The following TGFBR3 variants were observed in gnomAD, a reference collection of about 807,000 sequenced individuals.
The protein encoded by TGFBR3 is transforming growth factor beta receptor 3.
In TGFBR3, 46 loss-of-function variants were observed where a neutral mutation model predicts 87.9. The ratio of observed to expected loss-of-function variants is 0.52; its 90% CI spans 0.41 to 0.67. The LOEUF (loss-of-function observed/expected upper bound fraction) is 0.67. Ranked by LOEUF, TGFBR3 falls within the 30% of genes least tolerant of loss-of-function variation. TGFBR3 has a pLI of 0.00. For missense variants in TGFBR3, 866 were observed against 1,041.9 expected (o/e 0.83, Z 2.32); for synonymous variants, 381 against 391.6 (o/e 0.97, Z 0.32).
At chr1:91,701,349 A>G (rs1557664496) in intron 14 of TGFBR3, among the ~76,000 whole-genome samples, 1 of 152,110 alleles carries the variant, frequency 6.6e-6, no homozygotes, top group African/African-American at 2.4e-5. Context: ...ACCCCTGAGT[A>G]TAACTAAAAT....
intron 2 of TGFBR3, chr1:91,830,084 A>G (rs975045865): frequency 4.6e-5 from 7 of 152,236 alleles, no homozygotes; most frequent in African/African-American, 1.7e-4. Context: ...CAGGGCCTGA[A>G]ATAAAATTTT....
At chr1:91,764,429 T>C (rs1674096263) in intron 3 of TGFBR3, among the ~76,000 whole-genome samples, 1 of 150,250 alleles carries the variant, frequency 6.7e-6, no homozygotes, top group Non-Finnish European at 1.5e-5. Flanking sequence ...TAAATTTGGG[T>C]TGGGGGTTGA....
At chr1:91,888,116 G>T (rs904303583), upstream of TGFBR3, among the ~76,000 whole-genome samples, 5 of 152,114 alleles carry the variant, frequency 3.3e-5, no homozygotes, top group Non-Finnish European at 7.3e-5. Context: ...TAAGTCTCAC[G>T]AGATCTGATG....
At chr1:91,714,809 G>A (rs1296339838) in intron 12 of TGFBR3, among the ~76,000 whole-genome samples, 1 of 152,192 alleles carries the variant, frequency 6.6e-6, no homozygotes, top group Non-Finnish European at 1.5e-5. Flanking sequence ...CAGCCATCTT[G>A]GCTTAGGAAA....
chr1:91,686,792 A>C (rs1436518471), intron 16 of TGFBR3, among the ~76,000 whole-genome samples: 1 of 152,178 alleles, frequency 6.6e-6, no homozygotes. Context: ...ACTTTCTCTA[A>C]AACATCCCTT....
intron 2 of TGFBR3, among the ~76,000 whole-genome samples, chr1:91,820,460 G>C (rs1323370147): frequency 1.3e-5 from 2 of 152,042 alleles, no homozygotes; most frequent in Non-Finnish European, 2.9e-5. Context: ...GAGGCGGGCG[G>C]ATCATGAGGT....
At chr1:91,777,756 T>C (rs1674617797) in intron 3 of TGFBR3, among the ~76,000 whole-genome samples, 1 of 152,166 alleles carries the variant, frequency 6.6e-6, no homozygotes, top group Non-Finnish European at 1.5e-5. Flanking sequence ...CTCCGTACTT[T>C]CTGTTACAGG....
intron 1 of TGFBR3, among the ~76,000 whole-genome samples, chr1:91,863,484 T>C (rs112926005): frequency 1.7e-4 from 26 of 152,320 alleles, no homozygotes; most frequent in African/African-American, 6.0e-4. Flanking sequence ...ACACAATGCT[T>C]AGAACAGTCC....
intron 3 of TGFBR3, among the ~76,000 whole-genome samples, chr1:91,768,703 C>T (rs1223926479): frequency 1.3e-5 from 2 of 152,170 alleles, no homozygotes; most frequent in Non-Finnish European, 2.9e-5. Flanking sequence ...GCTTTCCCTT[C>T]GCCTTCTGCC....
At chr1:91,728,671 T>G (rs1672634658) in intron 6 of TGFBR3, among the ~76,000 whole-genome samples, 1 of 152,184 alleles carries the variant, frequency 6.6e-6, no homozygotes, top group Non-Finnish European at 1.5e-5. Context: ...TCCCATTCCC[T>G]TTTCACTTTC....
At chr1:91,888,927 G>C (rs1679389985), upstream of TGFBR3, among the ~76,000 whole-genome samples, 1 of 152,008 alleles carries the variant, frequency 6.6e-6, no homozygotes, top group South Asian at 2.1e-4. Context: ...TGCTGCCGAG[G>C]CTGGAGTGCA....
At chr1:91,822,708 C>T (rs1385724269) in intron 2 of TGFBR3, among the ~76,000 whole-genome samples, 1 of 152,146 alleles carries the variant, frequency 6.6e-6, no homozygotes, top group African/African-American at 2.4e-5. Context: ...AAGGGAATCA[C>T]TTGAGTCTAG....
intron 4 of TGFBR3, among the ~76,000 whole-genome samples, chr1:91,746,539 A>G (rs1311232462): frequency 6.6e-6 from 1 of 152,240 alleles, no homozygotes; most frequent in Non-Finnish European, 1.5e-5. Flanking sequence ...TGGTATCATT[A>G]CTATTACTTG....
At chr1:91,905,857 T>G (rs886154533) in exon 1 of TGFBR3, 1 of 152,258 alleles carries the variant, frequency 6.6e-6, no homozygotes, top group Non-Finnish European at 1.5e-5. Flanking sequence ...CTTCCTTGTG[T>G]GTGCTGGCAT....
rs1209863195 is a variant in TGFBR3, at chr1:91,764,857, T to TC, written c.247-6108dup. ...ACAATGCCATCTCCAGTAAAATCTT[T>TC]CCCCCTCCCTCAGACAGAGCCAGAG... On this transcript the variant is annotated intron_variant, in intron 3 of 16. Coordinates refer to ENST00000212355, the MANE Select transcript of TGFBR3 (RefSeq NM_003243.5). Among the ~76,000 whole-genome samples, 3 of 151,886 alleles carry TC rather than the reference T, an allele frequency of 2.0e-5. No individual in the cohort carries two copies. In the South Asian group the frequency reaches 6.3e-4, roughly 32 times the overall value.
chr1:91,872,996 C>T (rs1308020182), intron 1 of TGFBR3, among the ~76,000 whole-genome samples: 1 of 151,984 alleles, frequency 6.6e-6, no homozygotes, highest in Admixed American at 6.6e-5. Context: ...TAGGGTTTCA[C>T]TCTGTCACTC....
At chr1:91,785,285 AAGT>A (rs1484093620) in intron 3 of TGFBR3, among the ~76,000 whole-genome samples, 1 of 152,224 alleles carries the variant, frequency 6.6e-6, no homozygotes, top group East Asian at 1.9e-4. Flanking sequence ...TAAATCTAGA[AAGT>A]AGATTAGTGG....
chr1:91,890,331 C>T (rs1396176111), upstream of TGFBR3, among the ~76,000 whole-genome samples: 1 of 146,852 alleles, frequency 6.8e-6, no homozygotes, highest in Non-Finnish European at 1.5e-5. Context: ...TCACAGTCTG[C>T]TAATCAGACT....
In TGFBR3 at chr1:91,820,953, T is replaced by C. The variant is rs183767735; in HGVS notation, c.62-23482A>G. Among the ~76,000 whole-genome samples the C allele has an allele frequency of 3.8e-3, 581 of 152,258 alleles. 3 individuals carry two copies. The highest frequency in any genetic ancestry group is 0.014 in the African/African-American group (563 of 41,560). The stretch of plus-strand genomic sequence containing the variant: ...AGGTAGGGGTGATGCTAGAGACGGG[T>C]TGGAGACACGAGAGGAACTCTGACT... On this transcript the variant is annotated intron_variant, in intron 2 of 16. Transcript: ENST00000212355.
Sources: gnomAD v4.1 joint callset for allele counts (sites outside exome capture counted in the v4.1 genomes callset) on GRCh38, gnomAD v4.1.1 for gene constraint, MANE v1.5 for transcripts, NCBI Gene and HGNC (gene_info 2026-07-23, HGNC 2026-07-21) for gene names.